PCDHGA5: variants seen among roughly 807,000 people sequenced by gnomAD.
The protein encoded by PCDHGA5 is protocadherin gamma subfamily A, 5.
In PCDHGA5, 36 loss-of-function variants were observed where a neutral mutation model predicts 56.7. The observed-to-expected ratio is 0.64, with a 90% CI of 0.49 to 0.84. The LOEUF is 0.84. Ranked by LOEUF, PCDHGA5 falls within the 40% of genes least tolerant of loss-of-function variation. The pLI is 0.00. For missense variants in PCDHGA5, 1,305 were observed against 1,201.5 expected, an observed-to-expected ratio of 1.09 and a Z score of -1.27; for synonymous variants, 563 against 520.2, an observed-to-expected ratio of 1.08 and a Z score of -1.12.
chr5:141,469,213 G>A (rs866405809), intron 1 of PCDHGA5, among the ~76,000 whole-genome samples: 21 of 150,912 alleles, frequency 1.4e-4, no homozygotes, highest in African/African-American at 5.1e-4. Flanking sequence ...TGAAGTTGAG[G>A]CTTCAGTGAG....
chr5:141,426,733 G>A (rs62378459), intron 1 of PCDHGA5: 13,670 of 449,336 alleles, frequency 0.03, 288 homozygotes, highest in Middle Eastern at 0.11. Context: ...CCAGGCATTC[G>A]GTTTGGCCTG....
chr5:141,478,163 C>G (rs779617960), intron 1 of PCDHGA5: 22 of 1,614,028 alleles, frequency 1.4e-5, no homozygotes, highest in Non-Finnish European at 1.9e-5. Context: ...TGGCTCTGCC[C>G]CCCGGGAGCA....
chr5:141,380,771 A>G (rs1337028514), intron 1 of PCDHGA5, among the ~76,000 whole-genome samples: 1 of 152,198 alleles, frequency 6.6e-6, no homozygotes, highest in Non-Finnish European at 1.5e-5. Context: ...ATTAATTGAG[A>G]CTTTTTTAAA....
chr5:141,370,396 T>C (rs767513658), intron 1 of PCDHGA5: 3 of 1,548,714 alleles, frequency 1.9e-6, no homozygotes, highest in Non-Finnish European at 2.6e-6. Context: ...GAGAGCGGGA[T>C]GGGAAATAGC....
intron 1 of PCDHGA5, among the ~76,000 whole-genome samples, chr5:141,481,063 C>T (rs2154578481): frequency 6.6e-6 from 1 of 151,952 alleles, no homozygotes; most frequent in Middle Eastern, 3.4e-3. Context: ...ACCTCAAAAA[C>T]AAAAAGAAAG....
chr5:141,378,684 A>AT (rs1775094609), intron 1 of PCDHGA5: 1 of 152,256 alleles, frequency 6.6e-6, no homozygotes, highest in East Asian at 1.9e-4. Flanking sequence ...ATATTTTAGC[A>AT]TTTTAACCCA....
chr5:141,409,293 T>G, intron 1 of PCDHGA5: 1 of 1,613,992 alleles, frequency 6.2e-7, no homozygotes, highest in Non-Finnish European at 8.5e-7. Flanking sequence ...CCTCCAGGAA[T>G]GGTTGTTGCC....
chr5:141,421,078 C>T (rs11575964), intron 1 of PCDHGA5: 20,754 of 627,892 alleles, frequency 0.033, 387 homozygotes, highest in Middle Eastern at 0.088. Context: ...GAGATGGATA[C>T]TCACAGATCC....
Position 141,477,934 on chromosome 5 carries a change from C to T in PCDHGA5, c.2422-16873C>T. Reference sequence around the variant, plus strand: ...CGGATGCAGGGCACAATGCCTGGCTCTCCTACAGTCTCTTGGGATCCCCTA... The same window carrying T: ...CGGATGCAGGGCACAATGCCTGGCTTTCCTACAGTCTCTTGGGATCCCCTA... On this transcript the variant is annotated intron_variant, in intron 1 of 3. Coordinates refer to ENST00000518069, the MANE Select transcript of PCDHGA5 (RefSeq NM_018918.3). This position sits in a 1 kb window ranked among gnomAD's most constrained non-coding sequence, Gnocchi z 4.9. 3.1e-6 allele frequency: 5 copies of T among 1,614,204 alleles called. No individual in the cohort carries two copies. The highest frequency in any genetic ancestry group is 4.2e-6 in the Non-Finnish European group (5 of 1,180,036).
chr5:141,421,239 G>C, intron 1 of PCDHGA5: 1 of 1,599,000 alleles, frequency 6.3e-7, no homozygotes, highest in South Asian at 1.1e-5. Flanking sequence ...TGGCGAATCG[G>C]CTACAGCGCG....
At chr5:141,419,773 C>G (rs2096431068) in intron 1 of PCDHGA5, 1 of 1,613,916 alleles carries the variant, frequency 6.2e-7, no homozygotes, top group Non-Finnish European at 8.5e-7. Context: ...AGGACTCGGT[C>G]CGCCAGCGCC....
At chr5:141,407,812 T>C (rs1191426791) in intron 1 of PCDHGA5, among the ~76,000 whole-genome samples, 1 of 152,226 alleles carries the variant, frequency 6.6e-6, no homozygotes, top group Non-Finnish European at 1.5e-5. Context: ...AAATATCTAC[T>C]ATAATATTAT....
rs1589038346 is a variant in PCDHGA5, at chr5:141,387,562, C to T, written c.2421+20811C>T. The T allele has an allele frequency of 6.9e-6, 3 of 437,514 alleles. No individual in the cohort carries two copies. The Admixed American group carries it at 1.2e-4, about 17-fold the overall frequency. The allele number at this position is 437,514 out of a possible 1,614,324, so 27.1% of individuals were successfully genotyped here. A position where few individuals can be genotyped will look rare whatever the true frequency, so the allele number is the denominator to read the frequency against. ...GTTTTTGTTCTTTCAGTTAGGCACA[C>T]AATTATAATTATTGCACTGGTTAAC... On this transcript the variant is annotated intron_variant, in intron 1 of 3. Transcript: ENST00000518069.
intron 1 of PCDHGA5, among the ~76,000 whole-genome samples, chr5:141,458,500 T>G (rs2098947037): frequency 6.6e-6 from 1 of 151,442 alleles, no homozygotes; most frequent in Admixed American, 6.6e-5. Context: ...CTGTACATAC[T>G]GTTTGACACT....
intron 1 of PCDHGA5, among the ~76,000 whole-genome samples, chr5:141,449,205 A>G (rs991001366): frequency 6.6e-6 from 1 of 152,164 alleles, no homozygotes; most frequent in Admixed American, 6.5e-5. Context: ...GTTAATTCTA[A>G]CTTTCTGTTT....
intron 1 of PCDHGA5, chr5:141,377,847 A>G (rs1774398188): frequency 6.6e-6 from 1 of 152,152 alleles, no homozygotes; most frequent in Non-Finnish European, 1.5e-5. Flanking sequence ...TCTTCCAATT[A>G]AAATTAAGAT....
At chr5:141,411,417 C>T (rs2095487286) in intron 1 of PCDHGA5, 1 of 148,614 alleles carries the variant, frequency 6.7e-6, no homozygotes, top group Non-Finnish European at 1.5e-5. Context: ...ACTAAAACAA[C>T]AACAACAAAA....
Position 141,365,966 on chromosome 5 carries a change from G to C in PCDHGA5, c.1636G>C (p.Val546Leu). The change falls in exon 1 of 4, where the codon GTG (valine) becomes CTG (leucine). Residue 546 changes from valine (V) to leucine (L), a missense_variant. Coordinates refer to ENST00000518069, the MANE Select transcript of PCDHGA5 (RefSeq NM_018918.3). ...DSGNPPLSSN[V>L]SLSLFVLDQN... ...TGGGAACCCTCCACTTAGCAGCAACGTGTCGCTGAGCCTGTTTGTGCTGGA... is the reference window on the plus strand; with the variant it reads ...TGGGAACCCTCCACTTAGCAGCAACCTGTCGCTGAGCCTGTTTGTGCTGGA... The C allele has an allele frequency of 6.2e-7, 1 of 1,614,222 alleles. No homozygotes were observed. The highest frequency in any genetic ancestry group is 8.5e-7 in the Non-Finnish European group (1 of 1,180,034).
intron 1 of PCDHGA5, among the ~76,000 whole-genome samples, chr5:141,466,021 G>A (rs2099115061): frequency 6.6e-6 from 1 of 151,934 alleles, no homozygotes; most frequent in Admixed American, 6.6e-5. Flanking sequence ...ACTCGGGAGG[G>A]TGAGGCAGGA....
Sources: allele counts gnomAD v4.1 joint callset (sites outside exome capture counted in the v4.1 genomes callset), GRCh38; gene constraint gnomAD v4.1.1; non-coding constraint Gnocchi (gnomAD v3.1); transcripts MANE v1.5; gene names NCBI Gene and HGNC (gene_info 2026-07-23, HGNC 2026-07-21).